FBXL4: variants seen among roughly 807,000 people sequenced by gnomAD.
The protein encoded by FBXL4 is F-box and leucine rich repeat protein 4.
FBXL4 carries 40 observed loss-of-function variants against 58.9 expected under a neutral mutation model. The observed-to-expected ratio is 0.68, with a 90% confidence interval of 0.53 to 0.88. The LOEUF (loss-of-function observed/expected upper bound fraction) is 0.88. FBXL4 is among the 40% of genes least tolerant of loss of function. FBXL4 has a pLI of 0.00. For missense variants in FBXL4, 676 were observed against 734.4 expected, an observed-to-expected ratio of 0.92 and a Z score of 0.92; for synonymous variants, 263 against 265.5, an observed-to-expected ratio of 0.99 and a Z score of 0.09.
chr6:98,926,016 T>C (rs955211113), intron 4 of FBXL4, among the ~76,000 whole-genome samples: 1 of 152,192 alleles, frequency 6.6e-6, no homozygotes, highest in Non-Finnish European at 1.5e-5. Context: ...GATTTTTAAA[T>C]GAATATGGGT....
chr6:98,911,272 A>G (rs1772051912), intron 5 of FBXL4, among the ~76,000 whole-genome samples: 1 of 152,202 alleles, frequency 6.6e-6, no homozygotes. Flanking sequence ...ACAAAAAGAC[A>G]GCAGTAACCT....
Position 98,880,684 on chromosome 6 carries a change from G to A in FBXL4, c.1318-60C>T. On this transcript the variant is annotated intron_variant, in intron 7 of 9. Transcript: ENST00000369244. ...AAAGTGAATGAAAGTGAAACAAAGA[G>A]AAGAGGTCAATTAGACATTAAAGGC... 32 of 1,413,826 alleles carry A rather than the reference G, an allele frequency of 2.3e-5. No individual in the cohort carries two copies. The South Asian group carries it at 2.6e-4, about 11-fold the overall frequency. 87.6% of individuals were successfully genotyped at this position (1,413,826 alleles called of 1,614,324 possible).
At chr6:98,947,642 G>A (rs1017556072) in intron 1 of FBXL4, among the ~76,000 whole-genome samples, 164 bp downstream of exon 1, 2 of 152,154 alleles carry the variant, frequency 1.3e-5, no homozygotes, top group Non-Finnish European at 2.9e-5. Context: ...GAGGCGCGGG[G>A]GCGCGGGGCC....
chr6:98,902,224 G>A (rs1771640653), intron 6 of FBXL4, among the ~76,000 whole-genome samples: 1 of 151,980 alleles, frequency 6.6e-6, no homozygotes, highest in South Asian at 2.1e-4. Context: ...CTAATCTCAT[G>A]TTTTTTTAGC....
chr6:98,926,312 C>T (rs1400538956), intron 4 of FBXL4, among the ~76,000 whole-genome samples, 165 bp downstream of exon 4: 3 of 152,244 alleles, frequency 2.0e-5, no homozygotes, highest in Admixed American at 2.0e-4. Flanking sequence ...TGAATTAAAT[C>T]TTTATATGAG....
Position 98,926,535 on chromosome 6 carries a change from T to C in FBXL4, c.454A>G (p.Ile152Val), listed in dbSNP as rs750476761. Reference sequence around the variant, plus strand: ...TTTGCAGAACAAGCGAGAATTCTAATGACTGCTCCGGGATGATAGGTTTCT... The same window carrying C: ...TTTGCAGAACAAGCGAGAATTCTAACGACTGCTCCGGGATGATAGGTTTCT... ...VLETYHPGAVIRILACSANPY... is the reference protein window; with the variant it reads ...VLETYHPGAVVRILACSANPY... The change falls in exon 4 of 10, where the codon ATT becomes GTT. Residue 152 changes from isoleucine to valine, a missense_variant. Physicochemically the swap from Ile to Val is conservative, Grantham distance 29. Transcript: ENST00000369244. The C allele has an allele frequency of 1.9e-6, 3 of 1,613,958 alleles. No individual in the cohort carries two copies. In the South Asian group the frequency reaches 3.3e-5, roughly 18 times the overall value.
At chr6:98,916,422 G>A (rs1282527419) in intron 5 of FBXL4, among the ~76,000 whole-genome samples, 1 of 152,030 alleles carries the variant, frequency 6.6e-6, no homozygotes, top group Non-Finnish European at 1.5e-5. Context: ...CAACCCAAAT[G>A]TCCAACAATG....
intron 2 of FBXL4, among the ~76,000 whole-genome samples, chr6:98,930,651 C>G (rs1026451303): frequency 1.3e-5 from 2 of 152,100 alleles, no homozygotes; most frequent in Admixed American, 6.6e-5. Context: ...AAGGCTGAGG[C>G]TGGAGGATAA....
In FBXL4 at chr6:98,911,039, C is replaced by T. The variant is rs551397711; in HGVS notation, c.859-5369G>A. Reference sequence around the variant, plus strand: ...CCAGGAGATTATATCCCGCACCTGGCTCGGAGGGTCCTACGCCCACGGAGT... The same window carrying T: ...CCAGGAGATTATATCCCGCACCTGGTTCGGAGGGTCCTACGCCCACGGAGT... On this transcript the variant is annotated intron_variant, in intron 5 of 9. Transcript: ENST00000369244. Among the ~76,000 whole-genome samples, 3 of 63,580 alleles carry T rather than the reference C, an allele frequency of 4.7e-5. No homozygotes were observed. In the East Asian group the frequency reaches 6.1e-4, roughly 13 times the overall value. The allele number at this position is 63,580 out of a possible 152,430, so 41.7% of individuals were successfully genotyped here. A position where few individuals can be genotyped will look rare whatever the true frequency, so the allele number is the denominator to read the frequency against.
At chr6:98,882,226 A>G (rs1770879059) in intron 7 of FBXL4, among the ~76,000 whole-genome samples, 1 of 151,464 alleles carries the variant, frequency 6.6e-6, no homozygotes, top group Non-Finnish European at 1.5e-5. Context: ...AGTTTTGTCA[A>G]CTCTTAACAT....
rs780067838 is a variant in FBXL4 at position 98,872,000 on chromosome 6, C to T, written c.*2278G>A. 3 of 152,264 alleles carry T rather than the reference C, an allele frequency of 2.0e-5. No homozygotes were observed. The highest frequency in any genetic ancestry group is 2.1e-4 in the South Asian group (1 of 4,830). The allele number at this position is 152,264 out of a possible 1,614,324, so 9.4% of individuals were successfully genotyped here. A position where few individuals can be genotyped will look rare whatever the true frequency, so the allele number is the denominator to read the frequency against. On this transcript the variant is annotated 3_prime_UTR_variant, in exon 10 of 10. Coordinates refer to ENST00000369244, the MANE Select transcript of FBXL4 (RefSeq NM_001278716.2). ...TTCAAGCCAAAATTACAAGGCAAAA[C>T]GTGTTTACAAGCAAAACATAAGTCA... is the stretch of plus-strand genomic sequence containing the variant.
intron 1 of FBXL4, among the ~76,000 whole-genome samples, chr6:98,937,735 T>C (rs922153321): frequency 1.3e-5 from 2 of 152,214 alleles, no homozygotes; most frequent in Admixed American, 1.3e-4. Context: ...AAAATATCTC[T>C]ATACAGTACC....
chr6:98,903,758 T>C (rs916231192), intron 6 of FBXL4, among the ~76,000 whole-genome samples: 4 of 152,198 alleles, frequency 2.6e-5, no homozygotes, highest in Non-Finnish European at 5.9e-5. Context: ...TATGCAGCAC[T>C]TTGCCAGTAC....
chr6:98,884,326 G>A (rs535469454), intron 7 of FBXL4, among the ~76,000 whole-genome samples: 11 of 152,018 alleles, frequency 7.2e-5, no homozygotes, highest in Admixed American at 3.3e-4. Flanking sequence ...GGTAAATACC[G>A]TTATTTACCT....
intron 7 of FBXL4, among the ~76,000 whole-genome samples, chr6:98,882,278 C>T (rs1336448239): frequency 6.6e-6 from 1 of 152,016 alleles, no homozygotes; most frequent in East Asian, 1.9e-4. Context: ...TTGTATGGCT[C>T]CATCCATTCA....
intron 4 of FBXL4, among the ~76,000 whole-genome samples, chr6:98,923,151 T>A (rs1176403382): frequency 6.6e-6 from 1 of 151,996 alleles, no homozygotes; most frequent in Middle Eastern, 3.4e-3. Flanking sequence ...GGTGCAGGAG[T>A]ATAAGGGCCC....
intron 4 of FBXL4, among the ~76,000 whole-genome samples, chr6:98,919,760 AT>A (rs1292080125): frequency 6.6e-6 from 1 of 152,218 alleles, no homozygotes; most frequent in Non-Finnish European, 1.5e-5. Flanking sequence ...TGGTGAGAAA[AT>A]GTATGCCTAA....
intron 5 of FBXL4, among the ~76,000 whole-genome samples, chr6:98,913,688 C>T (rs1772200235): frequency 6.6e-6 from 1 of 152,172 alleles, no homozygotes; most frequent in African/African-American, 2.4e-5. Flanking sequence ...AAATTTATAG[C>T]ACTACATGCC....
intron 1 of FBXL4, among the ~76,000 whole-genome samples, chr6:98,941,692 A>T (rs1773438024): frequency 6.6e-6 from 1 of 152,188 alleles, no homozygotes; most frequent in Admixed American, 6.5e-5. Context: ...GGAAAACAGA[A>T]TAGTGACCTT....
Sources: gnomAD v4.1 joint callset for allele counts (sites outside exome capture counted in the v4.1 genomes callset) on GRCh38, gnomAD v4.1.1 for gene constraint, MANE v1.5 for transcripts, NCBI Gene and HGNC (gene_info 2026-07-23, HGNC 2026-07-21) for gene names.